DAB1: variants seen among roughly 807,000 people sequenced by gnomAD.
The protein encoded by DAB1 is DAB adaptor protein 1.
Under a neutral mutation model 64.6 loss-of-function variants are expected in DAB1, and 15 were observed. The observed-to-expected ratio is 0.23, with a 90% confidence interval of 0.16 to 0.36. The LOEUF (loss-of-function observed/expected upper bound fraction) is 0.36. Ranked by LOEUF, DAB1 falls within the 10% of genes least tolerant of loss-of-function variation. The pLI, the probability that DAB1 is intolerant of heterozygous loss-of-function variation, is 1.00. For synonymous variants in DAB1, 235 were observed against 251.9 expected, an observed-to-expected ratio of 0.93 and a Z score of 0.64; for missense variants, 596 against 706.7, an observed-to-expected ratio of 0.84 and a Z score of 1.78.
At chr1:57,832,393 T>A (rs754431714) in intron 1 of DAB1, among the ~76,000 whole-genome samples, 1 of 152,188 alleles carries the variant, frequency 6.6e-6, no homozygotes, top group Non-Finnish European at 1.5e-5. Context: ...TTTAAGAGCA[T>A]AAATGAGACC....
intron 3 of DAB1, among the ~76,000 whole-genome samples, chr1:57,143,874 CAA>C (rs2100818842): frequency 6.6e-6 from 1 of 150,908 alleles, no homozygotes; most frequent in East Asian, 1.9e-4. Flanking sequence ...ATTTCATTGA[CAA>C]AGTCATGTCT....
At chr1:57,155,507 T>C (rs573450834) in intron 2 of DAB1, among the ~76,000 whole-genome samples, 1 of 152,180 alleles carries the variant, frequency 6.6e-6, no homozygotes, top group African/African-American at 2.4e-5. Context: ...CTGCTTAGGA[T>C]GGCTTTAGAT....
chr1:57,400,437 C>T (rs1683152505), intron 1 of DAB1, among the ~76,000 whole-genome samples: 1 of 152,000 alleles, frequency 6.6e-6, no homozygotes, highest in Non-Finnish European at 1.5e-5. Context: ...CCTGCCTGTC[C>T]ATAAACTCCC....
intron 5 of DAB1, among the ~76,000 whole-genome samples, chr1:58,131,810 C>T (rs1005522572): frequency 2.0e-5 from 3 of 149,888 alleles, no homozygotes; most frequent in African/African-American, 7.4e-5. Context: ...AGGCAGTCTG[C>T]CCGTTCTCAG....
chr1:57,866,374 A>G (rs1226457530), intron 1 of DAB1: 1 of 152,080 alleles, frequency 6.6e-6, no homozygotes, highest in African/African-American at 2.4e-5. Context: ...GTCTGACCAT[A>G]GTGGATTTTC....
intron 3 of DAB1, among the ~76,000 whole-genome samples, chr1:58,346,101 G>A (rs1643994640): frequency 2.0e-5 from 3 of 152,268 alleles, no homozygotes; most frequent in East Asian, 3.9e-4. Context: ...TAGGTGAAAC[G>A]GAAAACATTT....
intron 4 of DAB1, among the ~76,000 whole-genome samples, chr1:58,219,669 C>G (rs940704702): frequency 1.3e-5 from 2 of 152,166 alleles, no homozygotes; most frequent in Non-Finnish European, 2.9e-5. Flanking sequence ...ATGGGTGCTC[C>G]ACTGAGGAAA....
At chr1:57,893,123 C>T (rs1644342006) in intron 5 of DAB1, among the ~76,000 whole-genome samples, 1 of 151,896 alleles carries the variant, frequency 6.6e-6, no homozygotes, top group Non-Finnish European at 1.5e-5. Context: ...AAGGTAAACA[C>T]CCTGCTTTAT....
At chr1:57,906,977 TAG>T (rs1557548687) in intron 5 of DAB1, among the ~76,000 whole-genome samples, 2 of 149,546 alleles carry the variant, frequency 1.3e-5, no homozygotes, top group African/African-American at 2.6e-5. Flanking sequence ...GATAGATAGA[TAG>T]ATAGATAGAT....
At chr1:57,596,142 A>AC (rs1329144408) in intron 7 of DAB1, among the ~76,000 whole-genome samples, 2 of 151,880 alleles carry the variant, frequency 1.3e-5, no homozygotes, top group Non-Finnish European at 1.5e-5. Context: ...GGAGGCATAG[A>AC]CCCTCTCCTT....
intron 7 of DAB1, among the ~76,000 whole-genome samples, chr1:57,622,887 G>C (rs1315654092): frequency 6.6e-6 from 1 of 152,030 alleles, no homozygotes; most frequent in Non-Finnish European, 1.5e-5. Context: ...CTTAGTTTAG[G>C]CCATGAGGAT....
intron 3 of DAB1, among the ~76,000 whole-genome samples, chr1:58,489,336 C>T (rs943454867): frequency 4.6e-5 from 7 of 152,212 alleles, no homozygotes; most frequent in South Asian, 2.1e-4. Flanking sequence ...CACAGAGCCT[C>T]GCTCATTACT....
chr1:57,917,791 C>T (rs1382859217), intron 5 of DAB1, among the ~76,000 whole-genome samples: 1 of 152,176 alleles, frequency 6.6e-6, no homozygotes, highest in Non-Finnish European at 1.5e-5. Context: ...AACTCCTTCG[C>T]CCCCTCTTCA....
chr1:57,126,011 C>CA (rs1657097357), intron 4 of DAB1, among the ~76,000 whole-genome samples: 1 of 152,066 alleles, frequency 6.6e-6, no homozygotes, highest in Non-Finnish European at 1.5e-5. Flanking sequence ...CAAGGATGAC[C>CA]AAATCATGGA....
chr1:57,620,296 C>G (rs1055283768), intron 7 of DAB1, among the ~76,000 whole-genome samples: 2 of 152,116 alleles, frequency 1.3e-5, no homozygotes, highest in Non-Finnish European at 2.9e-5. Flanking sequence ...CTAACCTATT[C>G]TCTTACATAG....
intron 7 of DAB1, among the ~76,000 whole-genome samples, chr1:57,430,667 A>C (rs1038661039): frequency 6.6e-6 from 1 of 152,056 alleles, no homozygotes; most frequent in Non-Finnish European, 1.5e-5. Context: ...TACAATTTTT[A>C]ATAAAGTACA....
intron 1 of DAB1, among the ~76,000 whole-genome samples, chr1:57,390,333 T>C (rs1271049108): frequency 6.6e-6 from 1 of 152,232 alleles, no homozygotes; most frequent in East Asian, 1.9e-4. Context: ...CTGCCTGTAA[T>C]GGAGATATTA....
intron 3 of DAB1, among the ~76,000 whole-genome samples, chr1:58,470,719 G>A (rs1057247932): frequency 1.3e-5 from 2 of 152,122 alleles, no homozygotes; most frequent in African/African-American, 2.4e-5. Context: ...CACGCAGTCC[G>A]TCTTCCTGAC....
intron 3 of DAB1, among the ~76,000 whole-genome samples, chr1:58,359,775 T>C (rs1427787001): frequency 6.6e-6 from 1 of 152,168 alleles, no homozygotes; most frequent in African/African-American, 2.4e-5. Context: ...TGGCTCAACG[T>C]TGCCACTGGA....
Sources: allele counts gnomAD v4.1 joint callset (sites outside exome capture counted in the v4.1 genomes callset), GRCh38; gene constraint gnomAD v4.1.1; transcripts MANE v1.5; gene names NCBI Gene and HGNC (gene_info 2026-07-23, HGNC 2026-07-21).